The following TAF1 variants were observed in gnomAD, a reference collection of about 807,000 sequenced individuals.
TAF1 encodes transcription initiation factor TFIID subunit 1.
In TAF1, 2 loss-of-function variants were observed where a neutral mutation model predicts 138.5. That is an observed-to-expected ratio of 0.01 (90% CI 0.01 to 0.05). The LOEUF (loss-of-function observed/expected upper bound fraction) is 0.05, where lower values mean the gene tolerates loss of function less well. Ranked by LOEUF, TAF1 falls within the 10% of genes least tolerant of loss-of-function variation. The pLI, the probability that TAF1 is intolerant of heterozygous loss-of-function variation, is 1.00. For missense variants in TAF1, 709 were observed against 1,478.0 expected, an observed-to-expected ratio of 0.48 and a Z score of 8.53; for synonymous variants, 437 against 503.2, an observed-to-expected ratio of 0.87 and a Z score of 1.76.
At chrX:71,524,019 C>CTTTTT (rs397895424) in intron 13 of TAF1, among the ~76,000 whole-genome samples, 1 of 76,376 alleles carries the variant, frequency 1.3e-5, no homozygotes, top group Admixed American at 1.5e-4. Flanking sequence ...TGTAATAGTT[C>CTTTTT]TTTTTTTTTT....
chrX:71,511,367 G>C (rs2147609366), intron 13 of TAF1, among the ~76,000 whole-genome samples: 1 of 112,250 alleles, frequency 8.9e-6, no homozygotes, highest in East Asian at 2.8e-4. Context: ...CTAGGTATTT[G>C]TGCTTCTAAA....
intron 13 of TAF1, among the ~76,000 whole-genome samples, chrX:71,500,659 C>T (rs182630658): frequency 6.9e-4 from 76 of 109,618 alleles, no homozygotes; most frequent in African/African-American, 2.1e-3. Flanking sequence ...CAAAGAGGAC[C>T]GACGAAGGTC....
intron 3 of TAF1, among the ~76,000 whole-genome samples, chrX:71,372,532 A>T (rs1022829285): frequency 8.4e-5 from 9 of 106,937 alleles, no homozygotes; most frequent in Non-Finnish European, 1.7e-4. Flanking sequence ...CCAGCTACTC[A>T]GGAGGCTGTG....
At chrX:71,438,076 T>TC (rs1157509421) in intron 32 of TAF1, among the ~76,000 whole-genome samples, 1 of 110,332 alleles carries the variant, frequency 9.1e-6, no homozygotes, top group East Asian at 2.9e-4. Context: ...CCTCAGGTGA[T>TC]CCACCTCCCC....
intron 32 of TAF1, among the ~76,000 whole-genome samples, chrX:71,443,862 C>G (rs945910800): frequency 1.8e-5 from 2 of 111,530 alleles, no homozygotes; most frequent in Non-Finnish European, 3.8e-5. Context: ...GCGTCCGCCC[C>G]AATGCCCGGC....
intron 3 of TAF1, among the ~76,000 whole-genome samples, chrX:71,369,360 A>G (rs1170669093): frequency 9.0e-6 from 1 of 111,681 alleles, no homozygotes; most frequent in African/African-American, 3.3e-5. Context: ...ATAGGGTGCT[A>G]CATTGTAGAA....
chrX:71,469,735 CTTG>C (rs1266442987), downstream of TAF1, among the ~76,000 whole-genome samples: 3 of 110,476 alleles, frequency 2.7e-5, no homozygotes, highest in Non-Finnish European at 5.7e-5. Flanking sequence ...GAGTTTCGCT[CTTG>C]TTGTCCAGGC....
chrX:71,411,730 T>G (rs1175176451), intron 28 of TAF1, among the ~76,000 whole-genome samples: 1 of 112,391 alleles, frequency 8.9e-6, no homozygotes, highest in Non-Finnish European at 1.9e-5. Context: ...TACCATGCAG[T>G]TTAACCATTT....
chrX:71,424,101 A>T (rs750138306), intron 31 of TAF1, 35 bp downstream of exon 31: 1 of 1,199,848 alleles, frequency 8.3e-7, no homozygotes, highest in East Asian at 3.0e-5. Context: ...GCCTTTTTGT[A>T]ATCAAGTGAC....
intron 35 of TAF1, among the ~76,000 whole-genome samples, chrX:71,458,798 C>T (rs2038418413): frequency 8.9e-6 from 1 of 111,909 alleles, no homozygotes; most frequent in Admixed American, 9.5e-5. Context: ...TTTTCTACAG[C>T]TATTCTCAGT....
chrX:71,454,335 A>G lies in TAF1; in HGVS notation c.4821+98A>G, dbSNP rs2038186574. The G allele has an allele frequency of 1.7e-5, 13 of 747,592 alleles. 1 individual carries two copies. The Admixed American group carries it at 3.5e-4, about 20-fold the overall frequency. 61.6% of individuals were successfully genotyped at this position (747,592 alleles called of 1,213,427 possible). On this transcript the variant is annotated intron_variant, in intron 33 of 37. Coordinates refer to ENST00000423759, the MANE Select transcript of TAF1 (RefSeq NM_004606.5). ...AAATTAGTGGGGTCTGGTGGTACAC[A>G]GCTGGGACGTGTGGTCCCAGCTACT...
intron 32 of TAF1, among the ~76,000 whole-genome samples, chrX:71,435,710 C>T (rs1602664353): frequency 9.0e-6 from 1 of 111,264 alleles, no homozygotes; most frequent in African/African-American, 3.3e-5. Flanking sequence ...CTATCATGCC[C>T]AGAAAGTCTT....
At chrX:71,499,067 G>A in intron 13 of TAF1, among the ~76,000 whole-genome samples, 1 of 111,441 alleles carries the variant, frequency 9.0e-6, no homozygotes, top group Middle Eastern at 4.6e-3. Context: ...TCATCTGGTT[G>A]GGGGCTTCTG....
intron 28 of TAF1, among the ~76,000 whole-genome samples, chrX:71,420,960 C>T (rs1428078296): frequency 2.7e-5 from 3 of 112,972 alleles, no homozygotes; most frequent in Admixed American, 9.3e-5. Context: ...TGACCGCCTG[C>T]AGCCCCAGCC....
In TAF1 at chrX:71,463,222, T is replaced by A. The variant is rs1320965390; in HGVS notation, c.5400-602T>A. On this transcript the variant is annotated intron_variant, in intron 37 of 37. Coordinates refer to ENST00000423759, the MANE Select transcript of TAF1 (RefSeq NM_004606.5). ...TGGATGATGGAGTTATTGATTTTTT[T>A]AAATTTTTTTCTGGTGTATATTCTA... 8.1e-5 allele frequency among the ~76,000 whole-genome samples: 9 copies of A among 111,700 alleles called. No individual in the cohort carries two copies. The South Asian group carries it at 1.1e-3, about 14-fold the overall frequency.
intron 15 of TAF1, 49 bp from the exon 16 acceptor site, chrX:71,388,188 C>CT (rs2034356299): frequency 8.3e-7 from 1 of 1,200,486 alleles, no homozygotes; most frequent in African/African-American, 1.8e-5. Context: ...CTAGTGAGGA[C>CT]TTTTATCCTT....
Position 71,459,465 on chromosome X carries a change from C to A in TAF1, c.5065-87C>A. 8.7e-6 allele frequency: 3 copies of A among 344,057 alleles called. No homozygotes were observed. In the South Asian group the frequency reaches 2.0e-4, roughly 23 times the overall value. 28.4% of individuals were successfully genotyped at this position (344,057 alleles called of 1,213,427 possible). A position where few individuals can be genotyped will look rare whatever the true frequency, so the allele number is the denominator to read the frequency against. On this transcript the variant is annotated intron_variant, in intron 35 of 37. Coordinates refer to ENST00000423759, the MANE Select transcript of TAF1 (RefSeq NM_004606.5). ...GCAGCAAGTGGAGGGATGGGCGGGG[C>A]GGGGAGGGGGGGTGTGCCTGGTGGT...
At chrX:71,379,127 T>TTTC (rs2033688215) in intron 8 of TAF1, 96 bp downstream of exon 8, 3 of 837,403 alleles carry the variant, frequency 3.6e-6, no homozygotes, top group Admixed American at 3.6e-5. Flanking sequence ...TTTTTTTTTT[T>TTTC]TCGGTGAGAC....
At chrX:71,379,128 T>TC (rs1400313020) in intron 8 of TAF1, 97 bp downstream of exon 8, 164 of 774,850 alleles carry the variant, frequency 2.1e-4, no homozygotes, top group African/African-American at 8.9e-4. Flanking sequence ...TTTTTTTTTT[T>TC]CGGTGAGACA....
Sources: allele counts gnomAD v4.1 joint callset (sites outside exome capture counted in the v4.1 genomes callset), GRCh38; gene constraint gnomAD v4.1.1; transcripts MANE v1.5; gene names NCBI Gene and HGNC (gene_info 2026-07-23, HGNC 2026-07-21).